Variants in DAB1 observed in about 807,000 individuals in gnomAD.
DAB1 encodes the protein DAB adaptor protein 1.
Under a neutral mutation model 64.6 loss-of-function variants are expected in DAB1, and 15 were observed. The observed-to-expected ratio is 0.23, with a 90% CI of 0.16 to 0.36. DAB1 has a LOEUF of 0.36. Among genes scored for constraint, DAB1 ranks in the 10% least tolerant of loss-of-function variants. DAB1 has a pLI of 1.00. For missense variants in DAB1, 596 were observed against 706.7 expected, an observed-to-expected ratio of 0.84 and a Z score of 1.78; for synonymous variants, 235 against 251.9, an observed-to-expected ratio of 0.93 and a Z score of 0.64.
chr1:58,501,016 TACA>T (rs1170368129), intron 3 of DAB1, among the ~76,000 whole-genome samples: 2 of 152,204 alleles, frequency 1.3e-5, no homozygotes, highest in Non-Finnish European at 2.9e-5. Context: ...AACAAATTGA[TACA>T]ACATCTGCTC....
intron 4 of DAB1, among the ~76,000 whole-genome samples, chr1:58,176,783 T>A (rs1656504978): frequency 6.6e-6 from 1 of 152,038 alleles, no homozygotes; most frequent in Non-Finnish European, 1.5e-5. Flanking sequence ...ATTGAAACCA[T>A]CCTCGCTAAC....
At chr1:57,360,947 A>G (rs184663606) in intron 1 of DAB1, among the ~76,000 whole-genome samples, 1 of 152,264 alleles carries the variant, frequency 6.6e-6, no homozygotes, top group East Asian at 1.9e-4. Flanking sequence ...CTATTATGTA[A>G]GGACCCATAG....
At chr1:58,237,618 C>G (rs775604580) in intron 4 of DAB1, among the ~76,000 whole-genome samples, 1 of 151,970 alleles carries the variant, frequency 6.6e-6, no homozygotes, top group Non-Finnish European at 1.5e-5. Flanking sequence ...CTGGTGACAG[C>G]ACAACTACTG....
intron 5 of DAB1, among the ~76,000 whole-genome samples, chr1:57,943,887 T>G (rs1359280131): frequency 6.6e-6 from 1 of 151,932 alleles, no homozygotes. Flanking sequence ...CCAGTGAGAG[T>G]TCTGCTGCGG....
chr1:57,726,887 G>A (rs1647219112), intron 6 of DAB1, among the ~76,000 whole-genome samples: 1 of 152,116 alleles, frequency 6.6e-6, no homozygotes, highest in African/African-American at 2.4e-5. Context: ...GATCATTCTG[G>A]CAGCAAAGGG....
At chr1:57,044,468 T>C (rs904101260) in intron 9 of DAB1, among the ~76,000 whole-genome samples, 14 of 152,208 alleles carry the variant, frequency 9.2e-5, no homozygotes, top group African/African-American at 3.1e-4. Context: ...TTCATGCAAA[T>C]ACTACAGGGA....
intron 7 of DAB1, among the ~76,000 whole-genome samples, chr1:57,627,733 T>C (rs951948074): frequency 6.6e-6 from 1 of 152,244 alleles, no homozygotes; most frequent in East Asian, 1.9e-4. Flanking sequence ...AACCAAAACC[T>C]GACTCCATAG....
intron 7 of DAB1, among the ~76,000 whole-genome samples, chr1:57,528,637 GACACAC>G (rs372009576): frequency 0.013 from 287 of 22,172 alleles, 3 homozygotes; most frequent in African/African-American, 0.014. Flanking sequence ...AAAGCAGCAG[GACACAC>G]ACACACACAC....
At chr1:57,996,366 C>T (rs1394300701) in intron 5 of DAB1, among the ~76,000 whole-genome samples, 1 of 152,088 alleles carries the variant, frequency 6.6e-6, no homozygotes, top group East Asian at 1.9e-4. Context: ...GTAGAAGTTT[C>T]GAAAATAACA....
At chr1:58,534,273 A>T in intron 1 of DAB1, 1 of 871,268 alleles carries the variant, frequency 1.1e-6, no homozygotes, top group Non-Finnish European at 2.0e-6. Context: ...CACTTCTTTA[A>T]CAGCCAGGTA....
intron 3 of DAB1, among the ~76,000 whole-genome samples, chr1:58,473,297 C>T (rs1645381887): frequency 6.6e-6 from 1 of 151,634 alleles, no homozygotes; most frequent in Non-Finnish European, 1.5e-5. Context: ...AATCCCAGCA[C>T]TTTGGGAGGC....
chr1:57,279,157 T>C (rs1301280809), intron 2 of DAB1, among the ~76,000 whole-genome samples: 1 of 152,200 alleles, frequency 6.6e-6, no homozygotes, highest in Admixed American at 6.5e-5. Flanking sequence ...TTTCCTTTAA[T>C]ATAACATTAT....
At chr1:57,169,658 C>T (rs1661542474) in intron 2 of DAB1, among the ~76,000 whole-genome samples, 1 of 152,162 alleles carries the variant, frequency 6.6e-6, no homozygotes, top group Admixed American at 6.5e-5. Context: ...ACCCCCAATC[C>T]TCAATATCTG....
At chr1:58,204,541 T>A (rs1658164433) in intron 4 of DAB1, among the ~76,000 whole-genome samples, 1 of 152,150 alleles carries the variant, frequency 6.6e-6, no homozygotes, top group African/African-American at 2.4e-5. Context: ...CCAGGGGTGA[T>A]GATACACAGA....
chr1:58,028,568 A>T (rs1353244538), intron 5 of DAB1, among the ~76,000 whole-genome samples: 1 of 152,202 alleles, frequency 6.6e-6, no homozygotes, highest in Admixed American at 6.5e-5. Flanking sequence ...CACCAAAAGG[A>T]TGCTTGTTCA....
chr1:57,455,983 T>C (rs1184145393), intron 7 of DAB1, among the ~76,000 whole-genome samples: 1 of 152,206 alleles, frequency 6.6e-6, no homozygotes, highest in African/African-American at 2.4e-5. Context: ...TCAATAAACA[T>C]TTATTGAATA....
intron 6 of DAB1, among the ~76,000 whole-genome samples, chr1:57,652,360 G>A (rs1646266897): frequency 6.6e-6 from 1 of 152,112 alleles, no homozygotes; most frequent in East Asian, 1.9e-4. Flanking sequence ...AACACCCATT[G>A]CTCTATCCAC....
intron 5 of DAB1, among the ~76,000 whole-genome samples, chr1:58,131,075 C>A: frequency 7.4e-6 from 1 of 134,728 alleles, no homozygotes; most frequent in Non-Finnish European, 1.6e-5. Flanking sequence ...TTCCATTCTC[C>A]CCATCACTTT....
At chr1:57,940,006 T>A (rs1645079663) in intron 5 of DAB1, among the ~76,000 whole-genome samples, 1 of 152,178 alleles carries the variant, frequency 6.6e-6, no homozygotes, top group African/African-American at 2.4e-5. Flanking sequence ...AGGGAGGGAA[T>A]ATGACTGCGA....
Sources: gnomAD v4.1 joint callset for allele counts (sites outside exome capture counted in the v4.1 genomes callset) on GRCh38, gnomAD v4.1.1 for gene constraint, MANE v1.5 for transcripts, NCBI Gene and HGNC (gene_info 2026-07-23, HGNC 2026-07-21) for gene names.